Variants in ZFPM2 observed in about 807,000 individuals in gnomAD.
ZFPM2 encodes the protein zinc finger protein, FOG family member 2, also known as zinc finger protein ZFPM2.
Under a neutral mutation model 98.6 loss-of-function variants are expected in ZFPM2, and 20 were observed. The observed-to-expected ratio is 0.20, with a 90% CI of 0.14 to 0.29. The LOEUF is 0.29. Ranked by LOEUF, ZFPM2 falls within the 10% of genes least tolerant of loss-of-function variation. ZFPM2 has a pLI of 1.00. For missense variants in ZFPM2, 1,310 were observed against 1,388.6 expected, an observed-to-expected ratio of 0.94 and a Z score of 0.90; for synonymous variants, 518 against 502.7, an observed-to-expected ratio of 1.03 and a Z score of -0.41.
intron 2 of ZFPM2, among the ~76,000 whole-genome samples, chr8:105,425,682 GT>G (rs2130114554): frequency 6.6e-6 from 1 of 152,134 alleles, no homozygotes; most frequent in Admixed American, 6.5e-5. Flanking sequence ...TTGTGGCTTT[GT>G]TTAAAGATTA....
intron 4 of ZFPM2, among the ~76,000 whole-genome samples, chr8:105,619,765 A>C (rs1349708174): frequency 6.7e-6 from 1 of 148,904 alleles, no homozygotes; most frequent in African/African-American, 2.5e-5. Context: ...CCCACCTATG[A>C]GTGAGAACAT....
At chr8:105,754,549 G>A (rs762242406) in intron 5 of ZFPM2, among the ~76,000 whole-genome samples, 58 of 152,072 alleles carry the variant, frequency 3.8e-4, no homozygotes, top group Non-Finnish European at 5.1e-4. Flanking sequence ...CAAAGTCTTT[G>A]TCTAGGGCCC....
intron 4 of ZFPM2, among the ~76,000 whole-genome samples, chr8:105,569,725 G>T (rs926084768): frequency 6.6e-6 from 1 of 152,138 alleles, no homozygotes; most frequent in African/African-American, 2.4e-5. Flanking sequence ...CCCTCACTAT[G>T]ACATGGGTGA....
chr8:105,342,388 C>G (rs1399985069), intron 1 of ZFPM2, among the ~76,000 whole-genome samples: 1 of 151,964 alleles, frequency 6.6e-6, no homozygotes, highest in African/African-American at 2.4e-5. Context: ...TCTAGGAGAA[C>G]TCTTGAAGAA....
At position 105,774,888 on chromosome 8, in the gene ZFPM2, A is replaced by C. The variant is rs1813063024; in HGVS notation, c.533-13830A>C. Among the ~76,000 whole-genome samples, 6 of 151,994 alleles carry C rather than the reference A, an allele frequency of 3.9e-5. No individual in the cohort carries two copies. In the South Asian group the frequency reaches 1.2e-3, roughly 32 times the overall value. ...CAGCTTTTGGGAGGAGAAACCTCTA[A>C]GTGCTTGAGGGGGACGCGAAGATGG... On this transcript the variant is annotated intron_variant, in intron 5 of 7. Transcript: ENST00000407775.
chr8:105,658,546 G>A (rs1179608681), intron 5 of ZFPM2, among the ~76,000 whole-genome samples: 1 of 34,730 alleles, frequency 2.9e-5, no homozygotes, highest in South Asian at 6.0e-4. Context: ...CCGAGATTGC[G>A]CCACTGCACT....
chr8:105,403,992 A>AAAC (rs58138715), intron 1 of ZFPM2, among the ~76,000 whole-genome samples: 13,226 of 147,626 alleles, frequency 0.09, 590 homozygotes, highest in East Asian at 0.17. Flanking sequence ...ATTGGTGTTA[A>AAAC]AACAACAACA....
chr8:105,530,008 C>T (rs1160385751), intron 3 of ZFPM2, among the ~76,000 whole-genome samples: 2 of 152,096 alleles, frequency 1.3e-5, no homozygotes, highest in African/African-American at 2.4e-5. Context: ...ACTTTTAATT[C>T]ATATACCTAT....
chr8:105,726,727 G>A lies in ZFPM2; in HGVS notation c.533-61991G>A, dbSNP rs567384810. 3.3e-5 allele frequency among the ~76,000 whole-genome samples: 5 copies of A among 151,856 alleles called. No homozygotes were observed. The South Asian group carries it at 8.3e-4, about 25-fold the overall frequency. ...ATCACATCTTAAGTTTCCAATGGAT[G>A]GTTTAGGTGATAAGTGTGGCAGGAT... is the stretch of plus-strand genomic sequence containing the variant. On this transcript the variant is annotated intron_variant, in intron 5 of 7. Transcript: ENST00000407775.
chr8:105,322,219 C>G (rs1812039861), intron 1 of ZFPM2, among the ~76,000 whole-genome samples: 1 of 151,960 alleles, frequency 6.6e-6, no homozygotes, highest in African/African-American at 2.4e-5. Context: ...AATAAATTGC[C>G]CAGATTGTTC....
At chr8:105,695,871 G>GA (rs1331897173) in intron 5 of ZFPM2, among the ~76,000 whole-genome samples, 1 of 151,152 alleles carries the variant, frequency 6.6e-6, no homozygotes, top group Non-Finnish European at 1.5e-5. Context: ...TTAGAAATGA[G>GA]AAAAAAGAGT....
intron 1 of ZFPM2, among the ~76,000 whole-genome samples, chr8:105,380,605 ATATATATATATTATATATAACATATATAT>A (rs1563630686): frequency 2.8e-5 from 2 of 71,710 alleles, no homozygotes; most frequent in Non-Finnish European, 5.2e-5. Flanking sequence ...TATATATTAT[ATATATATATATTATATATAACATATATAT>A]TATATATATA....
intron 5 of ZFPM2, chr8:105,684,973 A>C (rs1257381151): frequency 6.6e-6 from 1 of 152,130 alleles, no homozygotes; most frequent in Non-Finnish European, 1.5e-5. Flanking sequence ...TTTATCATTC[A>C]CACTGTTGAT....
chr8:105,763,226 A>G (rs1055302958), intron 5 of ZFPM2, among the ~76,000 whole-genome samples: 2 of 151,874 alleles, frequency 1.3e-5, no homozygotes, highest in African/African-American at 4.8e-5. Context: ...ACTATTTTCT[A>G]GATTTCTAGC....
chr8:105,426,569 A>C (rs539348399), intron 2 of ZFPM2, among the ~76,000 whole-genome samples: 1 of 152,192 alleles, frequency 6.6e-6, no homozygotes, highest in East Asian at 1.9e-4. Flanking sequence ...CTTGAAATTT[A>C]TTTTAAAATT....
intron 5 of ZFPM2, among the ~76,000 whole-genome samples, chr8:105,720,635 C>A (rs1373417881): frequency 6.6e-6 from 1 of 151,874 alleles, no homozygotes; most frequent in African/African-American, 2.4e-5. Context: ...TGCCAATCAG[C>A]CAGATCACTC....
At chr8:105,621,570 A>ATG (rs1816547458) in intron 4 of ZFPM2, among the ~76,000 whole-genome samples, 1 of 152,254 alleles carries the variant, frequency 6.6e-6, no homozygotes, top group South Asian at 2.1e-4. Context: ...TATGTTGAAT[A>ATG]TGTGTGTTTG....
At chr8:105,675,546 A>G (rs548445807) in intron 5 of ZFPM2, among the ~76,000 whole-genome samples, 5 of 152,262 alleles carry the variant, frequency 3.3e-5, no homozygotes, top group African/African-American at 1.2e-4. Context: ...AGAACTCAGC[A>G]AGCTGGTTCT....
At chr8:105,577,023 T>C (rs906207301) in intron 4 of ZFPM2, among the ~76,000 whole-genome samples, 1 of 152,166 alleles carries the variant, frequency 6.6e-6, no homozygotes, top group African/African-American at 2.4e-5. Flanking sequence ...TCATAACTAT[T>C]CTAACAGTTT....
Sources: allele counts gnomAD v4.1 joint callset (sites outside exome capture counted in the v4.1 genomes callset), GRCh38; gene constraint gnomAD v4.1.1; transcripts MANE v1.5; gene names NCBI Gene and HGNC (gene_info 2026-07-23, HGNC 2026-07-21).